The following EEF1A2 variants were observed in gnomAD, a reference collection of about 807,000 sequenced individuals.
EEF1A2 encodes elongation factor 1-alpha 2.
EEF1A2 carries 5 observed loss-of-function variants against 39.3 expected under a neutral mutation model. The observed-to-expected ratio is 0.13, with a 90% CI of 0.07 to 0.27. The LOEUF (loss-of-function observed/expected upper bound fraction) is 0.27. EEF1A2 is among the 10% of genes least tolerant of loss of function. The probability of loss-of-function intolerance (pLI) is 1.00; values close to 1 mark genes in which losing one functional copy is unlikely to be tolerated. For synonymous variants in EEF1A2, 287 were observed against 293.7 expected (o/e 0.98, Z 0.23); for missense variants, 218 against 681.4 (o/e 0.32, Z 7.57).
rs1043290712 is a variant in EEF1A2 at position 63,488,911 on chromosome 20, G to A, written c.1264+7C>T. 1.2e-6 allele frequency: 2 copies of A among 1,608,864 alleles called. No individual in the cohort carries two copies. Among genetic ancestry groups the A allele is most frequent in the South Asian group, 1.1e-5 (1 of 91,052 alleles). On this transcript the variant is annotated splice_region_variant and intron_variant, in intron 7 of 7. Coordinates refer to ENST00000217182, the MANE Select transcript of EEF1A2 (RefSeq NM_001958.5). ...GGGCTGCACCTCCCCGGACCACCCC[G>A]GCTCACCGAGAGGCGGGTACTGGGA...
At position 63,489,156 on chromosome 20, in the gene EEF1A2, C is replaced by T. The variant is rs878947746; in HGVS notation, c.1030-4G>A. 3.1e-6 allele frequency: 5 copies of T among 1,610,824 alleles called. No homozygotes were observed. Among genetic ancestry groups the T allele is most frequent in the Middle Eastern group, 1.7e-4 (1 of 6,050 alleles). Reference sequence around the variant, plus strand: ...CCGGGTGGTTCAGGATGATGACCTGCGAGCGGAGCCACAGGCGGCCATCAG... The same window carrying T: ...CCGGGTGGTTCAGGATGATGACCTGTGAGCGGAGCCACAGGCGGCCATCAG... On this transcript the variant is annotated splice_polypyrimidine_tract_variant and splice_region_variant and intron_variant, in intron 6 of 7. Transcript: ENST00000217182.
intron 4 of EEF1A2, 88 bp from the exon 5 acceptor site, chr20:63,493,375 G>A: frequency 1.4e-6 from 2 of 1,404,874 alleles, no homozygotes; most frequent in South Asian, 1.5e-5. Context: ...CAGGAGTACT[G>A]CTGTTCAGGC....
rs561382298 is a variant in EEF1A2, at chr20:63,490,149, C to G, written c.1029+330G>C. The G allele has an allele frequency of 8.3e-4, 196 of 235,450 alleles. 2 individuals carry two copies. The highest frequency in any genetic ancestry group is 4.1e-3 in the African/African-American group (185 of 45,668). 14.6% of individuals were successfully genotyped at this position (235,450 alleles called of 1,614,324 possible). Reference sequence around the variant, plus strand: ...GTGGCGCAATCTCGGCTCACTGCAACCTCCGCCTCCCAGGTTCAAGCGATT... The same window carrying G: ...GTGGCGCAATCTCGGCTCACTGCAAGCTCCGCCTCCCAGGTTCAAGCGATT... On this transcript the variant is annotated intron_variant, in intron 6 of 7. Transcript: ENST00000217182.
At position 63,497,796 on chromosome 20, in the gene EEF1A2, G is replaced by GGGAGTGTGA; in HGVS notation, c.-34_-33insTCACACTCC. On this transcript the variant is annotated 5_prime_UTR_variant, in exon 2 of 8. Coordinates refer to ENST00000217182, the MANE Select transcript of EEF1A2 (RefSeq NM_001958.5). The surrounding 1 kb of genome is among the most constrained non-coding windows in gnomAD (Gnocchi z 7.3). ...GGAGTGTGAGGGGCTGGCGGGACCC[G>GGGAGTGTGA]GGGTGCTCTGGCTCAGGGCGAGGGG... The GGGAGTGTGA allele has an allele frequency of 6.2e-7, 1 of 1,601,004 alleles. No individual in the cohort carries two copies. The highest frequency in any genetic ancestry group is 8.5e-7 in the Non-Finnish European group (1 of 1,173,186).
At chr20:63,489,281 A>C (rs2082367550) in intron 6 of EEF1A2, 129 bp from the exon 7 acceptor site, 2 of 849,982 alleles carry the variant, frequency 2.4e-6, no homozygotes, top group African/African-American at 3.4e-5. Context: ...TGCTGACTGG[A>C]GGGGGCTCAG....
Position 63,490,510 on chromosome 20 carries a change from G to A in EEF1A2, c.998C>T (p.Pro333Leu). 6.2e-7 allele frequency: 1 copy of A among 1,612,002 alleles called. No homozygotes were observed. The highest frequency in any genetic ancestry group is 8.5e-7 in the Non-Finnish European group (1 of 1,179,344). ...GGTGAACTGAGCAGCCTCCTGCGGC[G>A]GGTCAGACTTGCTGTCCCCACACAC... The part of the protein sequence containing the change: ...GNVCGDSKSD[P>L]PQEAAQFTSQ... The change falls in exon 6 of 8, where the codon CCG becomes CTG. Residue 333 changes from proline to leucine, a missense_variant. Around this residue, in one of 4 missense-constraint regions of EEF1A2, gnomAD observed 80 missense variants for 295.9 expected, o/e 0.27. Coordinates refer to ENST00000217182, the MANE Select transcript of EEF1A2 (RefSeq NM_001958.5).
At chr20:63,495,713 G>T in intron 3 of EEF1A2, 143 bp downstream of exon 3, 1 of 1,047,136 alleles carries the variant, frequency 9.5e-7, no homozygotes, top group Non-Finnish European at 1.4e-6. Flanking sequence ...GCCAGACTGG[G>T]TGAGGGTGGC....
chr20:63,496,647 C>T (rs2082419094), intron 2 of EEF1A2: 1 of 154,436 alleles, frequency 6.5e-6, no homozygotes, highest in African/African-American at 2.4e-5. Flanking sequence ...AGGGGACGGG[C>T]TTCAGTCAGG....
rs1404904635 is a variant in EEF1A2, at chr20:63,498,869, C to T, written c.-72+189G>A. 3 of 149,972 alleles carry T rather than the reference C, an allele frequency of 2.0e-5. No homozygotes were observed. Among genetic ancestry groups the T allele is most frequent in the African/African-American group, 7.3e-5 (3 of 41,168 alleles). The allele number at this position is 149,972 out of a possible 1,614,324, so 9.3% of individuals were successfully genotyped here. A position where few individuals can be genotyped will look rare whatever the true frequency, so the allele number is the denominator to read the frequency against. On this transcript the variant is annotated intron_variant, in intron 1 of 7. Transcript: ENST00000217182. The surrounding 1 kb of genome is among the most constrained non-coding windows in gnomAD (Gnocchi z 4.1). ...GCGATCGCCGCCCAGGACCCGGCCC[C>T]GCCGCCCCGCGCCGCCCCCCACCCC...
In EEF1A2 at chr20:63,498,963, G is replaced by A. The variant is rs1173649218; in HGVS notation, c.-72+95C>T. ...CGGGCGCGCGCGGGGGCGGGTGCGG[G>A]GCCCGGCCACCCTCTGCCCCCCAGG... On this transcript the variant is annotated intron_variant, in intron 1 of 7. Transcript: ENST00000217182. This position sits in a 1 kb window ranked among gnomAD's most constrained non-coding sequence, Gnocchi z 4.1. 6.9e-4 allele frequency: 103 copies of A among 149,500 alleles called. No individual in the cohort carries two copies. The highest frequency in any genetic ancestry group is 2.5e-3 in the African/African-American group (102 of 41,176). The allele number at this position is 149,500 out of a possible 1,614,324, so 9.3% of individuals were successfully genotyped here.
intron 5 of EEF1A2, among the ~76,000 whole-genome samples, chr20:63,491,967 T>C (rs1173965441): frequency 3.4e-5 from 2 of 58,376 alleles, no homozygotes; most frequent in African/African-American, 1.7e-4. Flanking sequence ...GGTGGATGGA[T>C]GGATGGATGG....
chr20:63,490,607 C>T lies in EEF1A2; in HGVS notation c.901G>A (p.Glu301Lys), dbSNP rs1214259914. Residue 301 changes from glutamate to lysine, a missense_variant, in exon 6 of 8, where the codon GAA (glutamate) becomes AAA (lysine). Coordinates refer to ENST00000217182, the MANE Select transcript of EEF1A2 (RefSeq NM_001958.5). ...SVEMHHEALSEALPGDNVGFN... is the reference protein window; with the variant it reads ...SVEMHHEALSKALPGDNVGFN... The stretch of plus-strand genomic sequence containing the variant: ...CCGACGTTGTCGCCGGGCAGAGCTT[C>T]GCTCAGAGCCTCGTGGTGCATCTCC... 2 of 1,612,812 alleles carry T rather than the reference C, an allele frequency of 1.2e-6. No individual in the cohort carries two copies. The highest frequency in any genetic ancestry group is 1.7e-6 in the Non-Finnish European group (2 of 1,179,964).
intron 2 of EEF1A2, chr20:63,496,352 G>C: frequency 5.5e-6 from 2 of 363,156 alleles, no homozygotes; most frequent in Non-Finnish European, 1.0e-5. Context: ...CCTCCCGGGC[G>C]AGGGCTCCCC....
chr20:63,488,723 A>G (rs898144453), intron 7 of EEF1A2, among the ~76,000 whole-genome samples, 195 bp downstream of exon 7: 8 of 152,040 alleles, frequency 5.3e-5, no homozygotes, highest in Non-Finnish European at 1.2e-4. Context: ...CACAGGGCCC[A>G]CCCCAGCTCG....
intron 6 of EEF1A2, 65 bp from the exon 7 acceptor site, chr20:63,489,217 C>A (rs1600902389): frequency 1.3e-6 from 2 of 1,527,772 alleles, no homozygotes; most frequent in East Asian, 2.3e-5. Flanking sequence ...GGCGCCAGAG[C>A]GGGGCTGGGA....
intron 3 of EEF1A2, 46 bp downstream of exon 3, chr20:63,495,810 G>C: frequency 6.2e-7 from 1 of 1,600,412 alleles, no homozygotes; most frequent in Non-Finnish European, 8.5e-7. Flanking sequence ...TCCCTTGAAG[G>C]GTGCAGCGGC....
Position 63,495,047 on chromosome 20 carries a change from T to C in EEF1A2, c.379A>G (p.Ile127Val). ...TCCCGCGTCTGCCCATTCTTGGAGA[T>C]GCCCGCCTCGAACTCGCCCACGCCC... ...AAGVGEFEAG[I>V]SKNGQTREHA... The change falls in exon 4 of 8, where the codon ATC (isoleucine) becomes GTC (valine). Residue 127 changes from isoleucine (I) to valine (V), a missense_variant. This residue lies in a region of EEF1A2 where 79 missense variants were observed against 172.3 expected (regional missense o/e 0.46). Transcript: ENST00000217182. The C allele has an allele frequency of 1.2e-6, 2 of 1,612,580 alleles. No homozygotes were observed. Among genetic ancestry groups the C allele is most frequent in the Non-Finnish European group, 1.7e-6 (2 of 1,179,912 alleles).
intron 7 of EEF1A2, 32 bp from the exon 8 acceptor site, chr20:63,488,457 C>T: frequency 7.1e-7 from 1 of 1,399,094 alleles, no homozygotes; most frequent in Non-Finnish European, 9.3e-7. Flanking sequence ...GTGGGCGGGG[C>T]CGGAGGACTT....
intron 5 of EEF1A2, among the ~76,000 whole-genome samples, chr20:63,492,896 G>A (rs1438596353): frequency 6.6e-6 from 1 of 150,882 alleles, no homozygotes; most frequent in Non-Finnish European, 1.5e-5. Flanking sequence ...ATGGATGGAT[G>A]GATGGATAGA....
Sources: allele counts gnomAD v4.1 joint callset (sites outside exome capture counted in the v4.1 genomes callset), GRCh38; gene constraint gnomAD v4.1.1; regional missense constraint gnomAD v4.1.1; non-coding constraint Gnocchi (gnomAD v3.1); transcripts MANE v1.5; gene names NCBI Gene and HGNC (gene_info 2026-07-23, HGNC 2026-07-21).